The following NBDY variants were observed in gnomAD, a reference collection of about 807,000 sequenced individuals.
NBDY encodes negative regulator of P-body association.
chrX:56,760,169 G>T (rs1224416514), intron 2 of NBDY, among the ~76,000 whole-genome samples: 1 of 113,007 alleles, frequency 8.8e-6, no homozygotes, highest in Admixed American at 9.2e-5. Context: ...GAACCCCGGT[G>T]GGGGGAAACC....
intron 2 of NBDY, among the ~76,000 whole-genome samples, chrX:56,740,542 A>G (rs895638756): frequency 1.9e-4 from 21 of 111,560 alleles, no homozygotes; most frequent in African/African-American, 6.5e-4. Context: ...TTACCAAGAG[A>G]GTTAAAATCT....
chrX:56,799,470 G>C (rs777544968), intron 2 of NBDY, among the ~76,000 whole-genome samples: 1 of 113,231 alleles, frequency 8.8e-6, no homozygotes, highest in African/African-American at 3.2e-5. Context: ...TTCTGTCCCC[G>C]GGCCTCTAGC....
chrX:56,788,337 C>A (rs929675411), intron 2 of NBDY, among the ~76,000 whole-genome samples: 4 of 113,216 alleles, frequency 3.5e-5, no homozygotes, highest in Non-Finnish European at 1.9e-5. Context: ...ATACTGCCAT[C>A]AAGTGGAAAC....
intron 2 of NBDY, among the ~76,000 whole-genome samples, chrX:56,766,651 C>A (rs2069667443): frequency 8.9e-6 from 1 of 111,911 alleles, no homozygotes; most frequent in Non-Finnish European, 1.9e-5. Flanking sequence ...GCCTCCAGGC[C>A]TGAGTCATTA....
intron 2 of NBDY, among the ~76,000 whole-genome samples, chrX:56,751,165 G>A (rs2069583415): frequency 9.1e-6 from 1 of 109,558 alleles, no homozygotes; most frequent in South Asian, 3.9e-4. Flanking sequence ...GTGCCACTAG[G>A]GTTTTCTTGA....
chrX:56,741,602 A>G (rs1372477801), intron 2 of NBDY, among the ~76,000 whole-genome samples: 1 of 112,066 alleles, frequency 8.9e-6, no homozygotes, highest in Non-Finnish European at 1.9e-5. Flanking sequence ...AACTACAATG[A>G]GTACTTTTTC....
rs1162265925 is a variant in NBDY at position 56,818,194 on chromosome X, CT to C, written c.*1042del. ...ACAGACTTGAAAGCATATATTATAT[CT>C]GAAAATGTCAGATAAACTTGGCTTA... On this transcript the variant is annotated 3_prime_UTR_variant, in exon 3 of 3. Coordinates refer to ENST00000374922, the MANE Select transcript of NBDY (RefSeq NM_001348129.2). The C allele has an allele frequency of 9.0e-6, 1 of 111,001 alleles. No individual in the cohort carries two copies. Among genetic ancestry groups the C allele is most frequent in the East Asian group, 2.8e-4 (1 of 3,598 alleles). The allele number at this position is 111,001 out of a possible 1,213,427, so 9.1% of individuals were successfully genotyped here.
chrX:56,816,973 G>A (rs971792480), intron 2 of NBDY, among the ~76,000 whole-genome samples: 1 of 111,479 alleles, frequency 9.0e-6, no homozygotes, highest in Non-Finnish European at 1.9e-5. Flanking sequence ...GAACAATGAG[G>A]CTGATTGATT....
Position 56,741,063 on chromosome X carries a change from A to G in NBDY, c.*166+8864A>G, listed in dbSNP as rs1416550431. 6.3e-5 allele frequency among the ~76,000 whole-genome samples: 7 copies of G among 110,718 alleles called. No homozygotes were observed. In the Admixed American group the frequency reaches 6.7e-4, roughly 11 times the overall value. ...TGAGTTCAATTGTTTTGATTTTTAGATTCCACAAATAAGTGAGAACATGTG... is the reference window on the plus strand; with the variant it reads ...TGAGTTCAATTGTTTTGATTTTTAGGTTCCACAAATAAGTGAGAACATGTG... On this transcript the variant is annotated intron_variant, in intron 2 of 2. Coordinates refer to ENST00000374922, the MANE Select transcript of NBDY (RefSeq NM_001348129.2).
chrX:56,797,374 C>T (rs1303166779), intron 2 of NBDY, among the ~76,000 whole-genome samples: 1 of 106,158 alleles, frequency 9.4e-6, no homozygotes, highest in African/African-American at 3.5e-5. Context: ...TGGATTTCTG[C>T]ATGCAAATGT....
chrX:56,783,884 C>T (rs1459942639), intron 2 of NBDY, among the ~76,000 whole-genome samples: 1 of 112,852 alleles, frequency 8.9e-6, no homozygotes, highest in Non-Finnish European at 1.9e-5. Flanking sequence ...GAGCACCCAC[C>T]TCATCTACAG....
chrX:56,817,060 A>T (rs2069914082), intron 2 of NBDY, among the ~76,000 whole-genome samples: 1 of 111,704 alleles, frequency 9.0e-6, no homozygotes, highest in African/African-American at 3.3e-5. Flanking sequence ...TATGCCTAAG[A>T]TAATAGAAAC....
At chrX:56,744,362 T>C (rs773147605) in intron 2 of NBDY, among the ~76,000 whole-genome samples, 1 of 111,727 alleles carries the variant, frequency 9.0e-6, no homozygotes, top group Admixed American at 9.5e-5. Context: ...ACAGTACAGA[T>C]TAAGTGTGAT....
At position 56,729,492 on chromosome X, in the gene NBDY, A is replaced by G. The variant is rs2069446848; in HGVS notation, c.139A>G (p.Thr47Ala). Residue 47 changes from threonine (T) to alanine (A), a missense_variant, in exon 1 of 3, where the codon ACT (threonine) becomes GCT (alanine). By Grantham distance (58) the Thr-to-Ala change is moderately conservative. Transcript: ENST00000374922. Reference sequence around the variant, plus strand: ...AGGAACTCCCAACGGAGGTAGTACCACTCTACCCTCCGCACCTCCTCCTGC... The same window carrying G: ...AGGAACTCCCAACGGAGGTAGTACCGCTCTACCCTCCGCACCTCCTCCTGC... ...PEGTPNGGST[T>A]LPSAPPPASA... The G allele has an allele frequency of 3.4e-6, 1 of 295,437 alleles. No individual in the cohort carries two copies. The highest frequency in any genetic ancestry group is 2.8e-5 in the African/African-American group (1 of 36,118). 24.3% of individuals were successfully genotyped at this position (295,437 alleles called of 1,213,427 possible).
chrX:56,749,104 C>A (rs1228386518), intron 2 of NBDY, among the ~76,000 whole-genome samples: 1 of 109,379 alleles, frequency 9.1e-6, no homozygotes, highest in East Asian at 2.9e-4. Flanking sequence ...TTGTTTTATT[C>A]TTTGGATAAG....
chrX:56,757,750 A>T (rs2069619036), intron 2 of NBDY, among the ~76,000 whole-genome samples: 2 of 111,169 alleles, frequency 1.8e-5, no homozygotes, highest in African/African-American at 6.5e-5. Flanking sequence ...TTGTCTTCAA[A>T]AAATCCAACC....
intron 2 of NBDY, among the ~76,000 whole-genome samples, chrX:56,793,954 C>A (rs997885011): frequency 2.7e-5 from 3 of 112,206 alleles, no homozygotes; most frequent in Non-Finnish European, 5.6e-5. Context: ...CCCCCAAGGG[C>A]ACCTCGGAGC....
chrX:56,796,594 C>T (rs955545784), intron 2 of NBDY, among the ~76,000 whole-genome samples: 1 of 111,606 alleles, frequency 9.0e-6, no homozygotes, highest in Non-Finnish European at 1.9e-5. Flanking sequence ...TTTCTGCCCT[C>T]TCTCCATATT....
chrX:56,787,247 G>GCACACAGACACATGCA (rs1006876088), intron 2 of NBDY, among the ~76,000 whole-genome samples: 1 of 110,262 alleles, frequency 9.1e-6, no homozygotes, highest in African/African-American at 3.3e-5. Flanking sequence ...AAACACACAT[G>GCACACAGACACATGCA]CACACAGACA....
Sources: gnomAD v4.1 joint callset for allele counts (sites outside exome capture counted in the v4.1 genomes callset) on GRCh38, gnomAD v4.1.1 for gene constraint, MANE v1.5 for transcripts, NCBI Gene and HGNC (gene_info 2026-07-23, HGNC 2026-07-21) for gene names.